The following DNAJC2 variants were observed in gnomAD, a reference collection of about 807,000 sequenced individuals.
The protein encoded by DNAJC2 is dnaJ homolog subfamily C member 2.
Under a neutral mutation model 94.0 loss-of-function variants are expected in DNAJC2, and 32 were observed. That is an observed-to-expected ratio of 0.34 (90% CI 0.26 to 0.46). The LOEUF is 0.46. DNAJC2 is among the 20% of genes least tolerant of loss of function. The pLI, the probability that DNAJC2 is intolerant of heterozygous loss-of-function variation, is 1.00. For synonymous variants in DNAJC2, 210 were observed against 229.7 expected, an observed-to-expected ratio of 0.91 and a Z score of 0.77; for missense variants, 550 against 719.5, an observed-to-expected ratio of 0.76 and a Z score of 2.69.
chr7:103,337,422 A>G (rs1819215967), intron 3 of DNAJC2: 2 of 217,420 alleles, frequency 9.2e-6, no homozygotes, highest in Non-Finnish European at 1.8e-5. Flanking sequence ...CACTAAGTGC[A>G]GCTGCTATAC....
intron 2 of DNAJC2, among the ~76,000 whole-genome samples, chr7:103,339,606 T>C (rs1432429358): frequency 8.3e-6 from 1 of 121,086 alleles, no homozygotes; most frequent in Non-Finnish European, 2.1e-5. Flanking sequence ...ATCCAATGGT[T>C]TTTTTTTTTT....
At chr7:103,337,537 G>T in intron 3 of DNAJC2, 199 bp downstream of exon 3, 1 of 527,490 alleles carries the variant, frequency 1.9e-6, no homozygotes, top group African/African-American at 1.9e-5. Context: ...TAATGGGAAA[G>T]TCTATATGTA....
chr7:103,316,182 T>C (rs769784639), intron 13 of DNAJC2, 94 bp from the exon 14 acceptor site: 46 of 718,710 alleles, frequency 6.4e-5, no homozygotes, highest in Non-Finnish European at 8.7e-5. Context: ...AGAAAGGTTA[T>C]AGTATGTACA....
intron 1 of DNAJC2, among the ~76,000 whole-genome samples, chr7:103,343,650 G>A (rs562295200): frequency 6.6e-6 from 1 of 152,160 alleles, no homozygotes; most frequent in South Asian, 2.1e-4. Context: ...GGGAAGTGGG[G>A]GTAAATCACT....
At chr7:103,343,302 A>G (rs915764259) in intron 1 of DNAJC2, among the ~76,000 whole-genome samples, 3 of 152,232 alleles carry the variant, frequency 2.0e-5, no homozygotes, top group Admixed American at 2.0e-4. Context: ...CACCCAGACA[A>G]CTCAAACTGT....
intron 3 of DNAJC2, among the ~76,000 whole-genome samples, chr7:103,334,535 G>A (rs185802646): frequency 4.1e-4 from 61 of 150,012 alleles, no homozygotes; most frequent in Admixed American, 7.3e-4. Context: ...AAGATCACGC[G>A]ACTGCACTCC....
intron 15 of DNAJC2, chr7:103,313,505 G>C: frequency 1.0e-5 from 10 of 984,948 alleles, no homozygotes; most frequent in Non-Finnish European, 1.1e-5. Context: ...AGGTAAAAGA[G>C]CTTCCTCACA....
At chr7:103,314,461 T>C in intron 15 of DNAJC2, 1 of 985,342 alleles carries the variant, frequency 1.0e-6, no homozygotes, top group Non-Finnish European at 1.2e-6. Context: ...GGGTCACCTC[T>C]CCTCACAGAA....
At chr7:103,336,352 A>G (rs964024412) in intron 3 of DNAJC2, 2 of 152,198 alleles carry the variant, frequency 1.3e-5, no homozygotes, top group African/African-American at 4.8e-5. Context: ...ATGCTATTCT[A>G]TTTTTTCGGA....
intron 2 of DNAJC2, among the ~76,000 whole-genome samples, chr7:103,339,573 C>T (rs1009269748): frequency 6.6e-6 from 1 of 152,140 alleles, no homozygotes. Context: ...TCAATGAGGA[C>T]ACCGAAACTT....
At chr7:103,338,129 G>A (rs550172866) in intron 2 of DNAJC2, among the ~76,000 whole-genome samples, 3 of 152,112 alleles carry the variant, frequency 2.0e-5, no homozygotes, top group East Asian at 3.9e-4. Flanking sequence ...AATTAGCTGG[G>A]TGTGGTGGTG....
intron 1 of DNAJC2, among the ~76,000 whole-genome samples, chr7:103,342,580 C>T (rs1019759960): frequency 6.6e-6 from 1 of 151,336 alleles, no homozygotes; most frequent in African/African-American, 2.4e-5. Context: ...GTTGGCATTA[C>T]AGGCGTGAGC....
chr7:103,335,419 A>C (rs1563472108), intron 3 of DNAJC2: 3 of 152,220 alleles, frequency 2.0e-5, no homozygotes, highest in Non-Finnish European at 4.4e-5. Flanking sequence ...ATATTCCACA[A>C]GGGTGGTAGA....
At chr7:103,333,748 C>A (rs546912025) in intron 3 of DNAJC2, among the ~76,000 whole-genome samples, 1 of 152,314 alleles carries the variant, frequency 6.6e-6, no homozygotes, top group South Asian at 2.1e-4. Context: ...ATGTAACTTA[C>A]AGTATGCCTA....
intron 15 of DNAJC2, chr7:103,313,434 G>A (rs1586057521): frequency 2.0e-6 from 2 of 983,820 alleles, no homozygotes; most frequent in Non-Finnish European, 2.4e-6. Flanking sequence ...TTGGACTCTT[G>A]GACTCAAAAA....
intron 3 of DNAJC2, among the ~76,000 whole-genome samples, chr7:103,328,304 A>C (rs570693533): frequency 1.1e-4 from 17 of 152,046 alleles, no homozygotes; most frequent in Non-Finnish European, 1.8e-4. Context: ...TTCTGCATAG[A>C]CATTTTTGTT....
chr7:103,327,377 TC>T, intron 4 of DNAJC2: 1 of 1,241,694 alleles, frequency 8.1e-7, no homozygotes, highest in Non-Finnish European at 1.1e-6. Flanking sequence ...CACCTGGGGA[TC>T]CTGTTAAAAT....
intron 10 of DNAJC2, among the ~76,000 whole-genome samples, chr7:103,320,264 A>G (rs1818311342): frequency 6.6e-6 from 1 of 151,690 alleles, no homozygotes; most frequent in South Asian, 2.1e-4. Context: ...AATTTTTTCT[A>G]TATTTAGTAG....
Position 103,319,816 on chromosome 7 carries a change from G to A in DNAJC2, c.1112C>T (p.Ala371Val), listed in dbSNP as rs1302519174. 9 of 1,614,010 alleles carry A rather than the reference G, an allele frequency of 5.6e-6. No homozygotes were observed. Among genetic ancestry groups the A allele is most frequent in the Non-Finnish European group, 7.6e-6 (9 of 1,180,024 alleles). Residue 371 changes from alanine (A) to valine (V), a missense_variant, in exon 11 of 17, where the codon GCA becomes GTA. Physicochemically the swap from Ala to Val is moderately conservative, Grantham distance 64. Around this residue, in one of 2 missense-constraint regions of DNAJC2, gnomAD observed 271 missense variants for 302.6 expected, o/e 0.90. Transcript: ENST00000379263. ...KTWNHFSDNE[A>V]ERVKMMEEVE... ...TTCTTCCATCATTTTAACCCGCTCT[G>A]CCTCATTATCAGAAAAATGATTCCA...
Sources: gnomAD v4.1 joint callset for allele counts (sites outside exome capture counted in the v4.1 genomes callset) on GRCh38, gnomAD v4.1.1 for gene constraint, gnomAD v4.1.1 regional missense constraint, MANE v1.5 for transcripts, NCBI Gene and HGNC (gene_info 2026-07-23, HGNC 2026-07-21) for gene names.